The following OCLN variants were observed in gnomAD, a reference collection of about 807,000 sequenced individuals.
OCLN encodes the protein phosphatase 1, regulatory subunit 115.
OCLN carries 21 observed loss-of-function variants against 47.9 expected under a neutral mutation model. That is an observed-to-expected ratio of 0.44 (90% CI 0.31 to 0.63). The LOEUF (loss-of-function observed/expected upper bound fraction) is 0.63, where lower values mean the gene tolerates loss of function less well. OCLN is among the 30% of genes least tolerant of loss of function. The pLI, the probability that OCLN is intolerant of heterozygous loss-of-function variation, is 0.08. For missense variants in OCLN, 360 were observed against 571.0 expected (o/e 0.63, Z 3.77); for synonymous variants, 117 against 198.4 (o/e 0.59, Z 3.45).
In OCLN at chr5:69,514,020, C is replaced by T. The variant is rs750583958; in HGVS notation, c.802C>T (p.Arg268Ter). 1.9e-6 allele frequency: 3 copies of T among 1,613,564 alleles called. No homozygotes were observed. The highest frequency in any genetic ancestry group is 1.7e-4 in the Middle Eastern group (1 of 6,060). ...ALIIFFAVKTRRKMDRYDKSN... is the reference protein window; with the variant it reads ...ALIIFFAVKT ...AATAATTTTCTTTGCTGTGAAAACT[C>T]GAAGAAAGATGGACAGGTATGACAA... is the stretch of plus-strand genomic sequence containing the variant. The change falls in exon 4 of 9, where the codon CGA (arginine) becomes TGA (stop). Residue 268 changes from arginine (R) to a stop codon, truncating the protein, a stop_gained. Coordinates refer to ENST00000396442, the MANE Select transcript of OCLN (RefSeq NM_001205254.2). LOFTEE classifies it high-confidence loss of function.
intron 3 of OCLN, among the ~76,000 whole-genome samples, chr5:69,512,860 T>G (rs1768824381): frequency 6.6e-6 from 1 of 152,216 alleles, no homozygotes; most frequent in African/African-American, 2.4e-5. Context: ...CTGAAATGTT[T>G]CTGAGTTACT....
intron 5 of OCLN, among the ~76,000 whole-genome samples, chr5:69,536,380 C>T (rs1237808914): frequency 3.6e-5 from 5 of 139,090 alleles, no homozygotes; most frequent in Non-Finnish European, 7.8e-5. Flanking sequence ...ACTTAAAACA[C>T]AATCACATGG....
intron 4 of OCLN, among the ~76,000 whole-genome samples, chr5:69,530,315 A>G (rs746940350): frequency 6.6e-6 from 1 of 152,176 alleles, no homozygotes; most frequent in African/African-American, 2.4e-5. Context: ...CATTTCTCTC[A>G]TAATAGGAAA....
intron 1 of OCLN, among the ~76,000 whole-genome samples, chr5:69,494,646 G>A (rs2111917354): frequency 6.6e-6 from 1 of 152,298 alleles, no homozygotes; most frequent in South Asian, 2.1e-4. Flanking sequence ...CAGAGGATAG[G>A]GAGATCGGTA....
At chr5:69,518,060 C>T (rs2112010952) in intron 4 of OCLN, among the ~76,000 whole-genome samples, 1 of 152,300 alleles carries the variant, frequency 6.6e-6, no homozygotes, top group Non-Finnish European at 1.5e-5. Flanking sequence ...TTTGGCCTCT[C>T]ATCTGATTTT....
At chr5:69,494,936 G>A (rs1768250281) in intron 1 of OCLN, among the ~76,000 whole-genome samples, 1 of 152,064 alleles carries the variant, frequency 6.6e-6, no homozygotes, top group African/African-American at 2.4e-5. Flanking sequence ...CCAGATTTGG[G>A]GAATTTTTCT....
At chr5:69,513,857 G>A (rs1399487892) in intron 3 of OCLN, 91 bp from the exon 4 acceptor site, 2 of 1,057,008 alleles carry the variant, frequency 1.9e-6, no homozygotes, top group African/African-American at 3.1e-5. Flanking sequence ...TAGGGCCTTA[G>A]GGTAGATAAG....
At chr5:69,517,476 A>G (rs576766843) in intron 4 of OCLN, among the ~76,000 whole-genome samples, 8 of 151,452 alleles carry the variant, frequency 5.3e-5, no homozygotes, top group African/African-American at 1.9e-4. Flanking sequence ...ATGCCTGACT[A>G]ATTTTTTTGT....
At chr5:69,532,596 A>C in intron 4 of OCLN, among the ~76,000 whole-genome samples, 1 of 152,132 alleles carries the variant, frequency 6.6e-6, no homozygotes, top group East Asian at 1.9e-4. Flanking sequence ...TTTTTTTCTC[A>C]ATTACAGAGT....
chr5:69,496,868 C>G (rs1052458979), intron 1 of OCLN, among the ~76,000 whole-genome samples: 1 of 152,114 alleles, frequency 6.6e-6, no homozygotes, highest in Admixed American at 6.6e-5. Context: ...CCTTTTGCCC[C>G]CGACTCTAAT....
intron 4 of OCLN, among the ~76,000 whole-genome samples, chr5:69,517,789 G>GT (rs894780549): frequency 8.2e-4 from 124 of 151,640 alleles, no homozygotes; most frequent in Middle Eastern, 3.4e-3. Context: ...TTGAAGCCCT[G>GT]TTTTTTTTTT....
intron 3 of OCLN, among the ~76,000 whole-genome samples, chr5:69,512,254 G>A (rs1281504734): frequency 6.6e-6 from 1 of 152,172 alleles, no homozygotes; most frequent in East Asian, 1.9e-4. Context: ...ATGGAAGCAA[G>A]GGTTCTGAAA....
intron 4 of OCLN, among the ~76,000 whole-genome samples, chr5:69,515,689 C>T (rs1201642109): frequency 2.0e-5 from 3 of 151,738 alleles, no homozygotes; most frequent in Non-Finnish European, 2.9e-5. Flanking sequence ...AGACGCTCCT[C>T]ACTTCCCAGA....
At chr5:69,525,225 C>T (rs1769245398) in intron 4 of OCLN, among the ~76,000 whole-genome samples, 1 of 152,020 alleles carries the variant, frequency 6.6e-6, no homozygotes, top group Non-Finnish European at 1.5e-5. Context: ...CTGCCTCAGC[C>T]TCCTGAGTAG....
rs1436178199 is a variant in OCLN, at chr5:69,534,689, T to G, written c.892-5T>G. ...AATAATAACTATCTCTTGGGGTTTT[T>G]TAAGGTTAAAAATGTGTCTGCAGGC... On this transcript the variant is annotated splice_region_variant and splice_polypyrimidine_tract_variant and intron_variant, in intron 4 of 8. Coordinates refer to ENST00000396442, the MANE Select transcript of OCLN (RefSeq NM_001205254.2). The G allele has an allele frequency of 4.3e-6, 3 of 693,208 alleles. No individual in the cohort carries two copies. Among genetic ancestry groups the G allele is most frequent in the Non-Finnish European group, 7.0e-6 (3 of 428,898 alleles). The allele number at this position is 693,208 out of a possible 1,614,324, so 42.9% of individuals were successfully genotyped here.
intron 2 of OCLN, among the ~76,000 whole-genome samples, chr5:69,508,445 A>G (rs868454465): frequency 1.3e-5 from 2 of 152,004 alleles, no homozygotes; most frequent in African/African-American, 4.8e-5. Flanking sequence ...GGTTCAAGCA[A>G]TTCTCGTGCC....
chr5:69,531,676 C>T (rs1333257075), intron 4 of OCLN, among the ~76,000 whole-genome samples: 1 of 152,168 alleles, frequency 6.6e-6, no homozygotes, highest in Admixed American at 6.5e-5. Context: ...CCACTGGTTT[C>T]GCAGTTGCTG....
At chr5:69,514,763 A>T (rs1768881149) in intron 4 of OCLN, among the ~76,000 whole-genome samples, 1 of 152,182 alleles carries the variant, frequency 6.6e-6, no homozygotes, top group Non-Finnish European at 1.5e-5. Context: ...CTGTTTAACA[A>T]AGCACATCTT....
At chr5:69,507,135 TTTTA>T (rs1238417359) in intron 2 of OCLN, among the ~76,000 whole-genome samples, 1 of 152,168 alleles carries the variant, frequency 6.6e-6, no homozygotes, top group Non-Finnish European at 1.5e-5. Context: ...GTTTTACCTG[TTTTA>T]TTTATTTATT....
Sources: allele counts gnomAD v4.1 joint callset (sites outside exome capture counted in the v4.1 genomes callset), GRCh38; gene constraint gnomAD v4.1.1; transcripts MANE v1.5; gene names NCBI Gene and HGNC (gene_info 2026-07-23, HGNC 2026-07-21).